Variants in ZNF385D observed in about 807,000 individuals in gnomAD.
ZNF385D encodes the protein zinc finger protein 659.
A neutral mutation model predicts 35.8 loss-of-function variants in ZNF385D; 15 were observed. That is an observed-to-expected ratio of 0.42 (90% CI 0.28 to 0.64). ZNF385D has a LOEUF of 0.64. Ranked by LOEUF, ZNF385D falls within the 30% of genes least tolerant of loss-of-function variation. The pLI is 0.23. For synonymous variants in ZNF385D, 212 were observed against 186.8 expected, an observed-to-expected ratio of 1.13 and a Z score of -1.10; for missense variants, 474 against 494.6, an observed-to-expected ratio of 0.96 and a Z score of 0.39.
At chr3:21,795,588 A>G (rs1307385774) in intron 3 of ZNF385D, among the ~76,000 whole-genome samples, 1 of 152,240 alleles carries the variant, frequency 6.6e-6, no homozygotes, top group Non-Finnish European at 1.5e-5. Context: ...AACAGGAAAG[A>G]TAAGCTCAAG....
chr3:22,026,735 C>T (rs1697579102), intron 3 of ZNF385D, among the ~76,000 whole-genome samples: 1 of 152,280 alleles, frequency 6.6e-6, no homozygotes, highest in East Asian at 1.9e-4. Context: ...AGAGCTGCCT[C>T]TACCTAGAAA....
Position 22,276,859 on chromosome 3 carries a change from T to C in ZNF385D, c.106+95591A>G, listed in dbSNP as rs76963863. Among the ~76,000 whole-genome samples, 669 of 152,242 alleles carry C rather than the reference T, an allele frequency of 4.4e-3. 7 individuals are homozygous for C. Among genetic ancestry groups the C allele is most frequent in the African/African-American group, 0.015 (636 of 41,558 alleles). On this transcript the variant is annotated intron_variant, in intron 2 of 5. Coordinates refer to the ZNF385D transcript ENST00000494108. Reference sequence around the variant, plus strand: ...TAATAAAGGGTACAATTTTAGTTTCTTTTCCTGTTCTAAAATTTTTATATC... The same window carrying C: ...TAATAAAGGGTACAATTTTAGTTTCCTTTCCTGTTCTAAAATTTTTATATC...
At chr3:22,117,378 T>A (rs1211520328) in intron 3 of ZNF385D, among the ~76,000 whole-genome samples, 1 of 152,006 alleles carries the variant, frequency 6.6e-6, no homozygotes, top group East Asian at 1.9e-4. Flanking sequence ...TTCGTATGAG[T>A]GTTAGTTGTG....
intron 3 of ZNF385D, among the ~76,000 whole-genome samples, chr3:22,132,494 T>C (rs962823334): frequency 6.6e-6 from 1 of 152,138 alleles, no homozygotes; most frequent in African/African-American, 2.4e-5. Flanking sequence ...AGGAGGGAAC[T>C]AAGAATAAGA....
At chr3:21,824,700 G>T (rs1694488942) in intron 3 of ZNF385D, among the ~76,000 whole-genome samples, 1 of 152,088 alleles carries the variant, frequency 6.6e-6, no homozygotes, top group African/African-American at 2.4e-5. Context: ...ATTATTCCAT[G>T]TGATGGCATC....
intron 1 of ZNF385D, among the ~76,000 whole-genome samples, chr3:21,710,238 G>C (rs2068051160): frequency 6.6e-6 from 1 of 152,092 alleles, no homozygotes; most frequent in Non-Finnish European, 1.5e-5. Flanking sequence ...TAGACTGCAT[G>C]CATTTGTCAA....
At chr3:21,522,189 C>G (rs1167442731) in intron 3 of ZNF385D, among the ~76,000 whole-genome samples, 1 of 152,118 alleles carries the variant, frequency 6.6e-6, no homozygotes, top group Non-Finnish European at 1.5e-5. Context: ...CAAACTGACC[C>G]CATCTCAGGG....
Position 21,888,995 on chromosome 3 carries a change from T to C in ZNF385D, c.326-223967A>G, listed in dbSNP as rs1338376028. On this transcript the variant is annotated intron_variant, in intron 3 of 5. Transcript: ENST00000494108. ...GCAGGTCTAGAGATACTCAGGAAACTATAGATGACTTCTTCAGAGAGTAGA... is the reference window on the plus strand; with the variant it reads ...GCAGGTCTAGAGATACTCAGGAAACCATAGATGACTTCTTCAGAGAGTAGA... Among the ~76,000 whole-genome samples, 3 of 152,206 alleles carry C rather than the reference T, an allele frequency of 2.0e-5. No individual in the cohort carries two copies. In the East Asian group the frequency reaches 5.8e-4, roughly 29 times the overall value.
chr3:21,723,070 T>C (rs1032809657), intron 1 of ZNF385D, among the ~76,000 whole-genome samples: 1 of 151,918 alleles, frequency 6.6e-6, no homozygotes, highest in Admixed American at 6.6e-5. Flanking sequence ...TTCCCCAATA[T>C]TATAAAGGGT....
intron 3 of ZNF385D, among the ~76,000 whole-genome samples, chr3:21,980,732 C>T (rs941717429): frequency 2.6e-5 from 4 of 152,112 alleles, no homozygotes; most frequent in South Asian, 2.1e-4. Flanking sequence ...CCAACCTCAA[C>T]CAGACCACAG....
chr3:22,114,406 A>G (rs1702704378), intron 3 of ZNF385D, among the ~76,000 whole-genome samples: 1 of 152,112 alleles, frequency 6.6e-6, no homozygotes, highest in South Asian at 2.1e-4. Flanking sequence ...TCATCATTTA[A>G]CCAATATGTA....
chr3:21,808,066 C>T (rs2072734486), intron 3 of ZNF385D, among the ~76,000 whole-genome samples: 1 of 151,972 alleles, frequency 6.6e-6, no homozygotes, highest in South Asian at 2.1e-4. Flanking sequence ...CTCTGTGATA[C>T]TATAATGAAA....
chr3:22,062,561 G>C (rs564440814), intron 3 of ZNF385D, among the ~76,000 whole-genome samples: 22 of 152,256 alleles, frequency 1.4e-4, no homozygotes, highest in Admixed American at 5.9e-4. Flanking sequence ...AACCATACAT[G>C]CTACTTTAAA....
intron 2 of ZNF385D, among the ~76,000 whole-genome samples, chr3:21,661,547 CA>C (rs1189671582): frequency 6.6e-6 from 1 of 152,140 alleles, no homozygotes; most frequent in African/African-American, 2.4e-5. Flanking sequence ...TCAAGAAATA[CA>C]AATTCAGAAG....
chr3:22,330,962 C>T (rs1494227), intron 2 of ZNF385D, among the ~76,000 whole-genome samples: 81,888 of 151,906 alleles, frequency 0.54, 22,679 homozygotes, highest in African/African-American at 0.65. Context: ...ATGGCTATGT[C>T]CACCTTATTG....
chr3:22,072,901 C>T (rs1232986719), intron 3 of ZNF385D, among the ~76,000 whole-genome samples: 3 of 151,846 alleles, frequency 2.0e-5, no homozygotes, highest in Admixed American at 6.6e-5. Context: ...TTGAGATTCC[C>T]GGGAAGATTC....
intron 3 of ZNF385D, among the ~76,000 whole-genome samples, chr3:21,547,797 AG>A (rs2062429174): frequency 6.6e-6 from 1 of 151,848 alleles, no homozygotes; most frequent in South Asian, 2.1e-4. Flanking sequence ...TTGTATTTTT[AG>A]TAGAAACGGG....
chr3:21,468,710 G>A (rs1703689806), intron 4 of ZNF385D, among the ~76,000 whole-genome samples: 1 of 152,088 alleles, frequency 6.6e-6, no homozygotes. Context: ...CGGATCACGA[G>A]GTCAGGAGAT....
intron 3 of ZNF385D, among the ~76,000 whole-genome samples, chr3:21,949,991 A>G (rs1356700053): frequency 1.3e-5 from 2 of 152,080 alleles, no homozygotes; most frequent in African/African-American, 4.8e-5. Context: ...AGTCTTTACT[A>G]TTGTGAACAG....
Sources: allele counts gnomAD v4.1 joint callset (sites outside exome capture counted in the v4.1 genomes callset), GRCh38; gene constraint gnomAD v4.1.1; transcripts MANE v1.5; gene names NCBI Gene and HGNC (gene_info 2026-07-23, HGNC 2026-07-21).